Variants in GRHL3 observed in about 807,000 individuals in gnomAD.
GRHL3 encodes grainyhead-like protein 3 homolog.
Under a neutral mutation model 70.3 loss-of-function variants are expected in GRHL3, and 20 were observed. That is an observed-to-expected ratio of 0.28 (90% CI 0.20 to 0.41). The LOEUF is 0.41. GRHL3 is among the 10% of genes least tolerant of loss of function. The probability of loss-of-function intolerance (pLI) is 1.00; values close to 1 mark genes in which losing one functional copy is unlikely to be tolerated. For synonymous variants in GRHL3, 299 were observed against 299.9 expected, an observed-to-expected ratio of 1.00 and a Z score of 0.03; for missense variants, 637 against 762.3, an observed-to-expected ratio of 0.84 and a Z score of 1.94.
intron 12 of GRHL3, among the ~76,000 whole-genome samples, chr1:24,345,265 C>T (rs373789991): frequency 7.7e-3 from 372 of 48,192 alleles, no homozygotes; most frequent in Middle Eastern, 0.025. Context: ...GTGCCCCCTC[C>T]ACACCTGTGC....
intron 11 of GRHL3, among the ~76,000 whole-genome samples, chr1:24,343,592 G>A (rs371431492): frequency 3.0e-4 from 46 of 152,088 alleles, no homozygotes; most frequent in African/African-American, 5.3e-4. Flanking sequence ...TCAAGCAGCC[G>A]GGACTGAGCG....
At chr1:24,320,668 G>C (rs983494866) in intron 1 of GRHL3, among the ~76,000 whole-genome samples, 1 of 152,198 alleles carries the variant, frequency 6.6e-6, no homozygotes, top group African/African-American at 2.4e-5. Context: ...ACTGCAGACC[G>C]GATTCTATGT....
intron 8 of GRHL3, among the ~76,000 whole-genome samples, chr1:24,341,386 C>G (rs373865207): frequency 2.2e-4 from 33 of 152,284 alleles, no homozygotes; most frequent in African/African-American, 6.5e-4. Context: ...TGTCTGAAGC[C>G]GTATATGGCT....
chr1:24,361,031 T>G, intron 15 of GRHL3: 5 of 1,608,124 alleles, frequency 3.1e-6, no homozygotes, highest in Non-Finnish European at 4.2e-6. Flanking sequence ...AAGTTCAGGA[T>G]GGGGTTTTTC....
intron 5 of GRHL3, among the ~76,000 whole-genome samples, 164 bp downstream of exon 5, chr1:24,337,315 C>T (rs927539004): frequency 4.6e-5 from 7 of 152,140 alleles, no homozygotes; most frequent in African/African-American, 1.7e-4. Context: ...ACATCCTGTC[C>T]CCGGGCTGTG....
downstream of GRHL3, chr1:24,358,202 C>T (rs1054497439): frequency 2.4e-5 from 13 of 538,456 alleles, no homozygotes; most frequent in African/African-American, 3.8e-5. Context: ...TTGAAGTCTG[C>T]GCTTCAGGAG....
At chr1:24,329,661 G>A (rs920239433) in intron 1 of GRHL3, among the ~76,000 whole-genome samples, 2 of 152,148 alleles carry the variant, frequency 1.3e-5, no homozygotes, top group Non-Finnish European at 2.9e-5. Flanking sequence ...TAAGAAGCAC[G>A]GCCTAACGAA....
intron 15 of GRHL3, among the ~76,000 whole-genome samples, chr1:24,363,103 T>C (rs1178093222): frequency 6.6e-6 from 1 of 152,212 alleles, no homozygotes; most frequent in African/African-American, 2.4e-5. Context: ...ATCACTGGTC[T>C]GGGTCACTCC....
In GRHL3 at chr1:24,364,363, T is replaced by C. The variant is rs1641317884; in HGVS notation, c.1873T>C (p.Ser625Pro). 4 of 1,540,708 alleles carry C rather than the reference T, an allele frequency of 2.6e-6. No individual in the cohort carries two copies. The South Asian group carries it at 4.9e-5, about 19-fold the overall frequency. The change falls in exon 16 of 16, where the codon TCG (serine) becomes CCG (proline). Residue 625 changes from serine to proline, a missense_variant. By Grantham distance (74) the Ser-to-Pro change is moderately conservative. Transcript: ENST00000350501. ...CAACAGCCTGCACTTCACTGTAAAC[T>C]CGGAATGACACACCCACCTGGAGGA... is the stretch of plus-strand genomic sequence containing the variant.
At position 24,339,772 on chromosome 1, in the gene GRHL3, G is replaced by A; in HGVS notation, c.1047+10G>A. On this transcript the variant is annotated intron_variant, in intron 8 of 15. Coordinates refer to ENST00000361548, the MANE Select transcript of GRHL3 (RefSeq NM_198173.3). Reference sequence around the variant, plus strand: ...GAATGAAGAGGCCAAGGTCAGTGCTGAGGGCAGTGGCTGGGATGGGACTGG... The same window carrying A: ...GAATGAAGAGGCCAAGGTCAGTGCTAAGGGCAGTGGCTGGGATGGGACTGG... 1 of 1,589,180 alleles carries A rather than the reference G, an allele frequency of 6.3e-7. No homozygotes were observed. Among genetic ancestry groups the A allele is most frequent in the Non-Finnish European group, 8.6e-7 (1 of 1,160,080 alleles).
intron 14 of GRHL3, 131 bp downstream of exon 14, chr1:24,347,684 G>A: frequency 4.2e-6 from 3 of 712,736 alleles, no homozygotes; most frequent in Non-Finnish European, 7.3e-6. Flanking sequence ...GTCCCACCCT[G>A]TCCAGGGGGC....
In GRHL3 at chr1:24,337,928, G is replaced by C. The variant is rs560261758; in HGVS notation, c.841-64G>C. ...GGGTTGGGGAAACTGAGGCAAAAGG[G>C]CAGGCCATTGGAACCAGGCTCTAGG... On this transcript the variant is annotated intron_variant, in intron 6 of 15. Transcript: ENST00000361548. 3.9e-6 allele frequency: 6 copies of C among 1,542,066 alleles called. No homozygotes were observed. The East Asian group carries it at 1.4e-4, about 35-fold the overall frequency.
At chr1:24,319,618 A>G (rs1569840168) in intron 1 of GRHL3, 50 bp downstream of exon 1, 2 of 1,613,332 alleles carry the variant, frequency 1.2e-6, no homozygotes, top group Non-Finnish European at 1.7e-6. Flanking sequence ...TGGAGGCTGG[A>G]TGGGGTTTCC....
rs150060454 is a variant in GRHL3, at chr1:24,336,787, G to A, written c.572G>A (p.Arg191His). ...ESIHGVPPTQ[R>H]WQPDSTFKDD... ...ATTCATGGGGTGCCGCCCACACAGC[G>A]CTGGCAGCCAGACAGCACCTTCAAA... is the stretch of plus-strand genomic sequence containing the variant. Residue 191 changes from arginine (R) to histidine (H), a missense_variant, in exon 4 of 16, where the codon CGC becomes CAC. Coordinates refer to ENST00000361548, the MANE Select transcript of GRHL3 (RefSeq NM_198173.3). The A allele has an allele frequency of 1.3e-4, 209 of 1,611,644 alleles. No individual in the cohort carries two copies. In the African/African-American group the frequency reaches 1.9e-3, roughly 15 times the overall value.
chr1:24,364,018 C>G lies in GRHL3; in HGVS notation c.1695-167C>G, dbSNP rs148783032. 2.4e-3 allele frequency among the ~76,000 whole-genome samples: 367 copies of G among 152,310 alleles called. 1 individual carries two copies. The highest frequency in any genetic ancestry group is 8.1e-3 in the African/African-American group (336 of 41,554). ...CAAGATCTATTTATGGCCTCTCAAT[C>G]CAGCCTAATCTCCCATGTCCTGCTG... On this transcript the variant is annotated intron_variant, in intron 15 of 15. Coordinates refer to the GRHL3 transcript ENST00000350501.
In GRHL3 at chr1:24,354,395, C is replaced by G; in HGVS notation, c.1716C>G (p.Asn572Lys). The part of the protein sequence containing the change: ...CKRGILVNMD[N>K]NIIQHYSNHV... Reference sequence around the variant, plus strand: ...CCAGAATCTTAGTCAACATGGACAACAACATCATTCAGCATTACAGCAACC... The same window carrying G: ...CCAGAATCTTAGTCAACATGGACAAGAACATCATTCAGCATTACAGCAACC... Residue 572 changes from asparagine (N) to lysine (K), a missense_variant, in exon 16 of 16, where the codon AAC becomes AAG. This residue lies in a region of GRHL3 where 387 missense variants were observed against 513.8 expected (regional missense o/e 0.75). Coordinates refer to ENST00000361548, the MANE Select transcript of GRHL3 (RefSeq NM_198173.3). 1 of 1,613,476 alleles carries G rather than the reference C, an allele frequency of 6.2e-7. No homozygotes were observed. Among genetic ancestry groups the G allele is most frequent in the East Asian group, 2.2e-5 (1 of 44,860 alleles).
chr1:24,339,868 G>A (rs1025426285), intron 8 of GRHL3, 106 bp downstream of exon 8: 2 of 662,584 alleles, frequency 3.0e-6, no homozygotes, highest in Admixed American at 2.5e-5. Flanking sequence ...GCTCCGACGA[G>A]GGCACTCATG....
intron 6 of GRHL3, 64 bp downstream of exon 6, chr1:24,337,853 C>G (rs996075724): frequency 1.2e-6 from 2 of 1,604,178 alleles, no homozygotes; most frequent in African/African-American, 2.7e-5. Flanking sequence ...CCTCCTTGGG[C>G]TAGCCACGGA....
rs1448783137 is a variant in GRHL3 at position 24,342,044 on chromosome 1, A to C, written c.1048-71A>C. The C allele has an allele frequency of 5.8e-6, 8 of 1,385,382 alleles. No individual in the cohort carries two copies. The Admixed American group carries it at 1.8e-4, about 31-fold the overall frequency. The allele number at this position is 1,385,382 out of a possible 1,614,324, so 85.8% of individuals were successfully genotyped here. On this transcript the variant is annotated intron_variant, in intron 8 of 15. Coordinates refer to ENST00000361548, the MANE Select transcript of GRHL3 (RefSeq NM_198173.3). This position sits in a 1 kb window ranked among gnomAD's most constrained non-coding sequence, Gnocchi z 4.8. ...CAGGCACACAGAAAGCTAGAAATACAGGATCACTGTGGGACGGTGGGGCTG... is the reference window on the plus strand; with the variant it reads ...CAGGCACACAGAAAGCTAGAAATACCGGATCACTGTGGGACGGTGGGGCTG...
Sources: gnomAD v4.1 joint callset for allele counts (sites outside exome capture counted in the v4.1 genomes callset) on GRCh38, gnomAD v4.1.1 for gene constraint, gnomAD v4.1.1 regional missense constraint, Gnocchi (gnomAD v3.1) non-coding constraint, MANE v1.5 for transcripts, NCBI Gene and HGNC (gene_info 2026-07-23, HGNC 2026-07-21) for gene names.